TAF1B: variants seen among roughly 807,000 people sequenced by gnomAD.
TAF1B encodes the protein TATA-box binding protein associated factor, RNA polymerase I subunit B.
TAF1B carries 61 observed loss-of-function variants against 83.9 expected under a neutral mutation model. The ratio of observed to expected loss-of-function variants is 0.73; its 90% CI spans 0.59 to 0.90. The LOEUF (loss-of-function observed/expected upper bound fraction) is 0.90. Ranked by LOEUF, TAF1B falls within the 40% of genes least tolerant of loss-of-function variation. TAF1B has a pLI of 0.00. For synonymous variants in TAF1B, 221 were observed against 224.6 expected, an observed-to-expected ratio of 0.98 and a Z score of 0.14; for missense variants, 625 against 677.0, an observed-to-expected ratio of 0.92 and a Z score of 0.85.
chr2:9,882,048 G>T (rs1022098239), intron 7 of TAF1B, among the ~76,000 whole-genome samples: 1 of 152,080 alleles, frequency 6.6e-6, no homozygotes, highest in African/African-American at 2.4e-5. Context: ...AGGGATACAG[G>T]GAATGCCATG....
At chr2:9,915,986 A>C (rs979521512) in intron 12 of TAF1B, among the ~76,000 whole-genome samples, 1 of 152,268 alleles carries the variant, frequency 6.6e-6, no homozygotes, top group African/African-American at 2.4e-5. Flanking sequence ...TACTTATGCT[A>C]TGATTCCATT....
At chr2:9,897,115 T>G (rs918309444) in intron 8 of TAF1B, among the ~76,000 whole-genome samples, 5 of 152,190 alleles carry the variant, frequency 3.3e-5, no homozygotes, top group African/African-American at 7.2e-5. Context: ...ATCTTTCAGT[T>G]TACCTGGTAG....
upstream of TAF1B, chr2:9,843,459 G>A: frequency 7.5e-7 from 1 of 1,325,936 alleles, no homozygotes; most frequent in South Asian, 1.3e-5. Context: ...GTTTCCGGCC[G>A]GAAGCTTCTC....
rs1205254052 is a variant in TAF1B at position 9,898,894 on chromosome 2, GT to G, written c.808-5955del. On this transcript the variant is annotated intron_variant, in intron 8 of 14. Coordinates refer to ENST00000263663, the MANE Select transcript of TAF1B (RefSeq NM_005680.3). The stretch of plus-strand genomic sequence containing the variant: ...TCTAATTATGACCTCTTTAACATGT[GT>G]TTTTTTTTTCCTTTAGACAGACATT... Among the ~76,000 whole-genome samples the G allele has an allele frequency of 1.0e-4, 14 of 137,918 alleles. No individual in the cohort carries two copies. The East Asian group carries it at 1.1e-3, about 11-fold the overall frequency. The allele number at this position is 137,918 out of a possible 152,430, so 90.5% of individuals were successfully genotyped here.
intron 12 of TAF1B, 96 bp from the exon 13 acceptor site, chr2:9,918,945 T>C (rs1572284954): frequency 3.7e-6 from 4 of 1,078,852 alleles, no homozygotes; most frequent in East Asian, 2.4e-5. Flanking sequence ...GCCAGAGCTA[T>C]AACGAAATAT....
intron 5 of TAF1B, among the ~76,000 whole-genome samples, chr2:9,854,828 A>G (rs1362086787): frequency 6.6e-6 from 1 of 152,200 alleles, no homozygotes. Context: ...TCTTCTCAGA[A>G]GCCTTTATGT....
chr2:9,887,063 C>CAA lies in TAF1B; in HGVS notation c.807+4268_807+4269dup, dbSNP rs34619491. ...CAGGCAACAGAGTGAGACTCTGTCT[C>CAA]AAAAAAAAAAAGATTTATATTGCCC... is the stretch of plus-strand genomic sequence containing the variant. On this transcript the variant is annotated intron_variant, in intron 8 of 14. Transcript: ENST00000263663. Among the ~76,000 whole-genome samples, 89 of 145,476 alleles carry CAA rather than the reference C, an allele frequency of 6.1e-4. No homozygotes were observed. In the South Asian group the frequency reaches 0.019, roughly 31 times the overall value.
intron 11 of TAF1B, 139 bp from the exon 12 acceptor site, chr2:9,913,020 G>C: frequency 1.7e-6 from 1 of 605,660 alleles, no homozygotes; most frequent in East Asian, 2.8e-5. Flanking sequence ...CAGTTCTGTT[G>C]TCTCTCTAAT....
chr2:9,876,063 A>G (rs1664314396), intron 7 of TAF1B, 45 bp downstream of exon 7: 1 of 1,535,196 alleles, frequency 6.5e-7, no homozygotes, highest in African/African-American at 1.4e-5. Flanking sequence ...TGGTTACTAC[A>G]TGAACTAAGT....
intron 14 of TAF1B, 24 bp downstream of exon 14, chr2:9,919,844 C>A: frequency 6.3e-7 from 1 of 1,595,282 alleles, no homozygotes; most frequent in Non-Finnish European, 8.6e-7. Flanking sequence ...TAGAAAAAGT[C>A]ACATATAATT....
intron 3 of TAF1B, among the ~76,000 whole-genome samples, chr2:9,850,014 A>AT (rs1396555386): frequency 2.8e-5 from 3 of 106,144 alleles, no homozygotes; most frequent in Admixed American, 1.0e-4. Flanking sequence ...CACATTAAAA[A>AT]ATATATATAT....
rs1470446050 is a variant in TAF1B at position 9,851,643 on chromosome 2, G to C, written c.303+5G>C. On this transcript the variant is annotated splice_donor_5th_base_variant and intron_variant, in intron 4 of 14. Transcript: ENST00000263663. The stretch of plus-strand genomic sequence containing the variant: ...GGAGTAGGCCCAGAGTTAAAGGTAA[G>C]TACATTTGTGACTAGATGTTAGCTT... The C allele has an allele frequency of 6.3e-7, 1 of 1,598,784 alleles. No homozygotes were observed. Among genetic ancestry groups the C allele is most frequent in the Non-Finnish European group, 8.5e-7 (1 of 1,173,354 alleles).
chr2:9,867,533 T>C (rs1363566134), intron 5 of TAF1B, among the ~76,000 whole-genome samples: 1 of 152,206 alleles, frequency 6.6e-6, no homozygotes, highest in East Asian at 1.9e-4. Context: ...TGTGAGCCTC[T>C]TTACCAGGAG....
chr2:9,929,391 C>T (rs767846878), intron 14 of TAF1B, among the ~76,000 whole-genome samples: 2 of 152,140 alleles, frequency 1.3e-5, no homozygotes, highest in Non-Finnish European at 2.9e-5. Flanking sequence ...ATCTCCTGAC[C>T]TCGTGATCCA....
intron 2 of TAF1B, 24 bp from the exon 3 acceptor site, chr2:9,849,349 A>T: frequency 6.5e-7 from 1 of 1,546,422 alleles, no homozygotes. Context: ...ATCTTTTTTA[A>T]TGGTCTTTTT....
chr2:9,926,874 C>CT (rs1024320866), intron 14 of TAF1B, among the ~76,000 whole-genome samples: 26 of 148,720 alleles, frequency 1.7e-4, no homozygotes, highest in African/African-American at 3.4e-4. Context: ...TCAGGTTTAA[C>CT]TTTTTTTTTA....
At position 9,861,309 on chromosome 2, in the gene TAF1B, C is replaced by G. The variant is rs183749661; in HGVS notation, c.399+6888C>G. On this transcript the variant is annotated intron_variant, in intron 5 of 14. Coordinates refer to ENST00000263663, the MANE Select transcript of TAF1B (RefSeq NM_005680.3). ...CACACCAGGAGATTATATCCCACACCTGGCTTGGAGGGTGCTATGCCCATG... is the reference window on the plus strand; with the variant it reads ...CACACCAGGAGATTATATCCCACACGTGGCTTGGAGGGTGCTATGCCCATG... Among the ~76,000 whole-genome samples the G allele has an allele frequency of 7.9e-4, 120 of 152,380 alleles. 1 individual carries two copies. Among genetic ancestry groups the G allele is most frequent in the Non-Finnish European group, 1.3e-3 (91 of 68,032 alleles).
chr2:9,844,044 A>G (rs879468630), intron 1 of TAF1B, among the ~76,000 whole-genome samples: 2 of 152,210 alleles, frequency 1.3e-5, no homozygotes, highest in Non-Finnish European at 2.9e-5. Flanking sequence ...TTGTCCAGCT[A>G]TCATTCATCG....
intron 8 of TAF1B, among the ~76,000 whole-genome samples, chr2:9,893,027 G>A (rs1664917215): frequency 6.6e-6 from 1 of 152,182 alleles, no homozygotes; most frequent in East Asian, 1.9e-4. Context: ...AAAATAATAT[G>A]AAATTACATC....
Sources: gnomAD v4.1 joint callset for allele counts (sites outside exome capture counted in the v4.1 genomes callset) on GRCh38, gnomAD v4.1.1 for gene constraint, MANE v1.5 for transcripts, NCBI Gene and HGNC (gene_info 2026-07-23, HGNC 2026-07-21) for gene names.